PDGFD: variants seen among roughly 807,000 people sequenced by gnomAD.
PDGFD encodes platelet-derived growth factor D.
PDGFD carries 30 observed loss-of-function variants against 44.7 expected under a neutral mutation model. The observed-to-expected ratio is 0.67, with a 90% CI of 0.50 to 0.91. The LOEUF is 0.91. PDGFD is among the 40% of genes least tolerant of loss of function. The pLI is 0.00. For missense variants in PDGFD, 445 were observed against 457.8 expected (o/e 0.97, Z 0.25); for synonymous variants, 173 against 168.4 (o/e 1.03, Z -0.21).
At chr11:104,095,841 A>G (rs919724168) in intron 1 of PDGFD, among the ~76,000 whole-genome samples, 3 of 152,186 alleles carry the variant, frequency 2.0e-5, no homozygotes, top group African/African-American at 7.2e-5. Context: ...TATCCTATTT[A>G]TCTCTTTATA....
chr11:103,963,504 T>C (rs1858969982), intron 3 of PDGFD, among the ~76,000 whole-genome samples: 1 of 152,128 alleles, frequency 6.6e-6, no homozygotes, highest in African/African-American at 2.4e-5. Flanking sequence ...CCCATAATTA[T>C]CTACGATATC....
chr11:104,032,893 G>A (rs971490512), intron 1 of PDGFD, among the ~76,000 whole-genome samples: 1 of 151,874 alleles, frequency 6.6e-6, no homozygotes, highest in African/African-American at 2.4e-5. Context: ...CTTACTAAGG[G>A]AGAAAAGTAA....
At chr11:104,147,002 T>TGA (rs1555058398) in intron 1 of PDGFD, among the ~76,000 whole-genome samples, 2 of 133,738 alleles carry the variant, frequency 1.5e-5, no homozygotes, top group Non-Finnish European at 3.2e-5. Context: ...CGGGGCATAC[T>TGA]AAAAAAAAAA....
chr11:104,143,246 G>C (rs1297768293), intron 1 of PDGFD, among the ~76,000 whole-genome samples: 1 of 152,156 alleles, frequency 6.6e-6, no homozygotes, highest in Non-Finnish European at 1.5e-5. Flanking sequence ...CTCTCTATAA[G>C]AAACTGTCTG....
chr11:104,129,770 A>G (rs1046822952), intron 1 of PDGFD, among the ~76,000 whole-genome samples: 4 of 152,130 alleles, frequency 2.6e-5, no homozygotes, highest in African/African-American at 9.7e-5. Context: ...GCACTTTGGG[A>G]GGCTGAGGTG....
At chr11:104,057,692 A>T (rs1007246162) in intron 1 of PDGFD, among the ~76,000 whole-genome samples, 8 of 152,342 alleles carry the variant, frequency 5.3e-5, no homozygotes, top group East Asian at 1.9e-4. Context: ...TTGAAATTTT[A>T]AAAAAGTCCA....
intron 3 of PDGFD, among the ~76,000 whole-genome samples, chr11:103,975,710 T>A (rs1472426294): frequency 6.6e-6 from 1 of 152,156 alleles, no homozygotes; most frequent in Non-Finnish European, 1.5e-5. Flanking sequence ...TTTTTCTGCA[T>A]ATGACTAGCC....
At chr11:103,939,185 G>A (rs1443891850) in intron 5 of PDGFD, among the ~76,000 whole-genome samples, 2 of 152,142 alleles carry the variant, frequency 1.3e-5, no homozygotes, top group African/African-American at 4.8e-5. Context: ...TCCTACCCAT[G>A]AGCATGGAAT....
At chr11:103,965,542 A>T (rs1055348786) in intron 3 of PDGFD, among the ~76,000 whole-genome samples, 2 of 152,146 alleles carry the variant, frequency 1.3e-5, no homozygotes, top group African/African-American at 4.8e-5. Context: ...GTGCACTGCT[A>T]TGTTAACAGG....
At chr11:104,099,885 T>C (rs1365890326) in intron 1 of PDGFD, among the ~76,000 whole-genome samples, 1 of 152,118 alleles carries the variant, frequency 6.6e-6, no homozygotes, top group East Asian at 1.9e-4. Flanking sequence ...AGCTCGTACA[T>C]GCATTTTTAA....
At chr11:103,996,029 T>C (rs886401941) in intron 3 of PDGFD, 36 bp downstream of exon 3, 25 of 1,553,212 alleles carry the variant, frequency 1.6e-5, no homozygotes, top group Non-Finnish European at 2.0e-5. Context: ...ATGAAACCAG[T>C]GTCTGCTTTT....
intron 1 of PDGFD, among the ~76,000 whole-genome samples, chr11:104,056,889 G>A (rs983383379): frequency 6.6e-6 from 1 of 152,096 alleles, no homozygotes; most frequent in Admixed American, 6.5e-5. Context: ...CAGCACTTTG[G>A]GAGGCCGAGG....
intron 1 of PDGFD, among the ~76,000 whole-genome samples, chr11:104,066,867 A>G (rs1310331558): frequency 6.6e-6 from 1 of 152,134 alleles, no homozygotes; most frequent in African/African-American, 2.4e-5. Context: ...AACCAAAAGT[A>G]CTTATACAAC....
intron 1 of PDGFD, among the ~76,000 whole-genome samples, chr11:104,058,286 A>G (rs1860654779): frequency 1.3e-5 from 2 of 152,240 alleles, no homozygotes; most frequent in Non-Finnish European, 2.9e-5. Context: ...AAAACACGTT[A>G]TACATTCACC....
chr11:104,161,642 C>A (rs985761014), intron 1 of PDGFD, among the ~76,000 whole-genome samples: 1 of 152,154 alleles, frequency 6.6e-6, no homozygotes, highest in African/African-American at 2.4e-5. Context: ...AAATGTATAT[C>A]TATTTATATC....
At chr11:104,067,105 T>A (rs553045453) in intron 1 of PDGFD, among the ~76,000 whole-genome samples, 1 of 152,252 alleles carries the variant, frequency 6.6e-6, no homozygotes, top group East Asian at 1.9e-4. Context: ...TATAAATGTA[T>A]TGGGACTAAA....
chr11:104,046,744 A>T (rs902218992), intron 1 of PDGFD, among the ~76,000 whole-genome samples: 5 of 146,942 alleles, frequency 3.4e-5, no homozygotes, highest in African/African-American at 9.9e-5. Flanking sequence ...AATTATTATT[A>T]TTTTTTTATT....
chr11:104,164,083 C>A lies in PDGFD; in HGVS notation c.-156G>T. On this transcript the variant is annotated 5_prime_UTR_variant, in exon 1 of 7. It removes an upstream start codon present in the reference 5' UTR. Transcript: ENST00000393158. ...CGCCGAGCTCTCCCCAAACTTCCTG[C>A]ATGCTGAACTTTCCGAGCGCGTGTG... 4.1e-6 allele frequency: 3 copies of A among 737,044 alleles called. No homozygotes were observed. Among genetic ancestry groups the A allele is most frequent in the Non-Finnish European group, 6.1e-6 (3 of 494,856 alleles). The allele number at this position is 737,044 out of a possible 1,614,324, so 45.7% of individuals were successfully genotyped here. A position where few individuals can be genotyped will look rare whatever the true frequency, so the allele number is the denominator to read the frequency against.
At chr11:104,127,362 A>C (rs1245294335) in intron 1 of PDGFD, among the ~76,000 whole-genome samples, 1 of 152,078 alleles carries the variant, frequency 6.6e-6, no homozygotes, top group African/African-American at 2.4e-5. Flanking sequence ...GAGAGTTTTG[A>C]AAGTTTCCAG....
Sources: gnomAD v4.1 joint callset for allele counts (sites outside exome capture counted in the v4.1 genomes callset) on GRCh38, gnomAD v4.1.1 for gene constraint, MANE v1.5 for transcripts, NCBI Gene and HGNC (gene_info 2026-07-23, HGNC 2026-07-21) for gene names.